Variants in CSMD1 observed in about 807,000 individuals in gnomAD.
CSMD1 encodes CUB and Sushi multiple domains 1.
In CSMD1, 213 loss-of-function variants were observed where a neutral mutation model predicts 417.5. The observed-to-expected ratio is 0.51, with a 90% CI of 0.46 to 0.57. CSMD1 has a LOEUF of 0.57. Among genes scored for constraint, CSMD1 ranks in the 20% least tolerant of loss-of-function variants. The pLI is 0.00. For synonymous variants in CSMD1, 2,862 were observed against 1,736.8 expected, an observed-to-expected ratio of 1.65 and a Z score of -16.11; for missense variants, 6,923 against 4,529.7, an observed-to-expected ratio of 1.53 and a Z score of -15.17.
intron 1 of CSMD1, among the ~76,000 whole-genome samples, chr8:4,830,649 A>T (rs923584873): frequency 1.3e-5 from 2 of 152,244 alleles, no homozygotes; most frequent in Non-Finnish European, 2.9e-5. Context: ...TATTGCTAAG[A>T]GGTCACAGAA....
At chr8:4,702,546 TCA>T (rs1807643072) in intron 1 of CSMD1, among the ~76,000 whole-genome samples, 3 of 152,190 alleles carry the variant, frequency 2.0e-5, no homozygotes, top group Admixed American at 2.0e-4. Flanking sequence ...AAAAAGACAT[TCA>T]TGAATTATAA....
At chr8:3,620,554 T>A (rs2086586) in intron 7 of CSMD1, among the ~76,000 whole-genome samples, 1 of 151,886 alleles carries the variant, frequency 6.6e-6, no homozygotes, top group African/African-American at 2.4e-5. Flanking sequence ...AGGATTGAAG[T>A]TTTCGTATAT....
chr8:4,573,681 C>A (rs1419200772), intron 2 of CSMD1, among the ~76,000 whole-genome samples: 1 of 152,090 alleles, frequency 6.6e-6, no homozygotes, highest in Non-Finnish European at 1.5e-5. Flanking sequence ...TCTTCAGAGC[C>A]AGCAGGCAGA....
At chr8:4,714,301 G>C (rs748947899) in intron 1 of CSMD1, among the ~76,000 whole-genome samples, 37 of 152,050 alleles carry the variant, frequency 2.4e-4, no homozygotes, top group Non-Finnish European at 4.7e-4. Flanking sequence ...TTCTCTTTAA[G>C]AAAAAGAAAT....
chr8:3,230,998 GC>G (rs916563839), intron 26 of CSMD1, among the ~76,000 whole-genome samples: 8 of 152,130 alleles, frequency 5.3e-5, no homozygotes, highest in African/African-American at 1.9e-4. Flanking sequence ...TGTGTAAAGT[GC>G]ATTGCAAACG....
intron 49 of CSMD1, among the ~76,000 whole-genome samples, chr8:3,081,032 G>A (rs1585299642): frequency 6.6e-6 from 1 of 152,168 alleles, no homozygotes; most frequent in African/African-American, 2.4e-5. Context: ...AGAAAGTGAT[G>A]GATTAGTGAT....
chr8:4,152,861 G>A (rs937570616), intron 3 of CSMD1, among the ~76,000 whole-genome samples: 3 of 152,076 alleles, frequency 2.0e-5, no homozygotes, highest in Admixed American at 1.3e-4. Context: ...TATTTATGGA[G>A]AAATGAGAAA....
intron 10 of CSMD1, among the ~76,000 whole-genome samples, chr8:3,568,219 G>T (rs145905423): frequency 6.6e-6 from 1 of 152,136 alleles, no homozygotes; most frequent in Non-Finnish European, 1.5e-5. Context: ...TGTTGTGGAT[G>T]TTTGAGTATT....
chr8:3,923,196 G>A (rs539628681), intron 5 of CSMD1, among the ~76,000 whole-genome samples: 1 of 152,208 alleles, frequency 6.6e-6, no homozygotes, highest in African/African-American at 2.4e-5. Context: ...CTAATGAGTG[G>A]CTGACTCTGG....
chr8:4,977,303 G>C (rs976836772), intron 1 of CSMD1, among the ~76,000 whole-genome samples: 2 of 152,126 alleles, frequency 1.3e-5, no homozygotes, highest in African/African-American at 4.8e-5. Flanking sequence ...AATAAGGCAA[G>C]AAGGGTTATA....
intron 3 of CSMD1, among the ~76,000 whole-genome samples, chr8:4,305,545 C>T (rs1563423513): frequency 6.6e-6 from 1 of 152,182 alleles, no homozygotes; most frequent in Non-Finnish European, 1.5e-5. Context: ...CCCAGTATTG[C>T]TGTTCTCTCT....
At chr8:3,237,229 A>C (rs1377366283) in intron 26 of CSMD1, among the ~76,000 whole-genome samples, 2 of 150,330 alleles carry the variant, frequency 1.3e-5, no homozygotes, top group African/African-American at 2.4e-5. Flanking sequence ...GCACTTTGGG[A>C]GGCCGAGGCG....
At chr8:4,319,501 A>T (rs912434112) in intron 3 of CSMD1, among the ~76,000 whole-genome samples, 1 of 152,136 alleles carries the variant, frequency 6.6e-6, no homozygotes, top group Non-Finnish European at 1.5e-5. Flanking sequence ...GACCAGATTT[A>T]CTCTCAGAGC....
At chr8:4,694,530 TG>T (rs367769652) in intron 1 of CSMD1, among the ~76,000 whole-genome samples, 1 of 151,516 alleles carries the variant, frequency 6.6e-6, no homozygotes, top group African/African-American at 2.4e-5. Context: ...TAATTTTTTT[TG>T]GGGGGGTATT....
intron 18 of CSMD1, among the ~76,000 whole-genome samples, chr8:3,371,768 A>G (rs1304432035): frequency 6.6e-6 from 1 of 152,342 alleles, no homozygotes; most frequent in East Asian, 1.9e-4. Context: ...AGCATGATAT[A>G]AAAATCGGCA....
At chr8:4,670,248 G>A (rs181054326) in intron 1 of CSMD1, among the ~76,000 whole-genome samples, 4 of 152,270 alleles carry the variant, frequency 2.6e-5, no homozygotes, top group Non-Finnish European at 5.9e-5. Context: ...TGTAGAAGAG[G>A]CATGGCCTTT....
At chr8:3,691,758 A>G (rs1435542151) in intron 7 of CSMD1, among the ~76,000 whole-genome samples, 9 of 142,924 alleles carry the variant, frequency 6.3e-5, no homozygotes, top group Admixed American at 5.6e-4. Context: ...ATGAGGCTCA[A>G]TACCATTTTT....
At chr8:3,685,866 G>T (rs150857195) in intron 7 of CSMD1, among the ~76,000 whole-genome samples, 1 of 151,966 alleles carries the variant, frequency 6.6e-6, no homozygotes, top group Non-Finnish European at 1.5e-5. Flanking sequence ...GGAGAATGGG[G>T]TATCCATCCC....
chr8:3,479,665 A>C (rs1442025128), intron 11 of CSMD1, among the ~76,000 whole-genome samples: 1 of 152,236 alleles, frequency 6.6e-6, no homozygotes, highest in African/African-American at 2.4e-5. Context: ...TAAAAAATAT[A>C]AATAGTACCT....
Sources: allele counts gnomAD v4.1 joint callset (sites outside exome capture counted in the v4.1 genomes callset), GRCh38; gene constraint gnomAD v4.1.1; transcripts MANE v1.5; gene names NCBI Gene and HGNC (gene_info 2026-07-23, HGNC 2026-07-21).